PCCB: variants seen among roughly 807,000 people sequenced by gnomAD.
PCCB encodes the protein propionyl-CoA carboxylase subunit beta, also known as propionyl-CoA carboxylase beta chain, mitochondrial.
In PCCB, 43 loss-of-function variants were observed where a neutral mutation model predicts 60.7. The ratio of observed to expected loss-of-function variants is 0.71; its 90% CI spans 0.55 to 0.91. The LOEUF (loss-of-function observed/expected upper bound fraction) is 0.91, where lower values mean the gene tolerates loss of function less well. PCCB is among the 40% of genes least tolerant of loss of function. The pLI, the probability that PCCB is intolerant of heterozygous loss-of-function variation, is 0.00. For missense variants in PCCB, 766 were observed against 702.8 expected (o/e 1.09, Z -1.02); for synonymous variants, 276 against 255.9 (o/e 1.08, Z -0.75).
chr3:136,317,195 G>A (rs1327570347), intron 10 of PCCB, 131 bp downstream of exon 10: 2 of 569,606 alleles, frequency 3.5e-6, no homozygotes, highest in Non-Finnish European at 5.8e-6. Flanking sequence ...AAATCTAAAT[G>A]GTTGTTATAA....
At chr3:136,255,745 C>T (rs1027967391) in intron 1 of PCCB, 111 bp from the exon 2 acceptor site, 2 of 898,024 alleles carry the variant, frequency 2.2e-6, no homozygotes, top group African/African-American at 3.3e-5. Flanking sequence ...AAAGTACTTG[C>T]ATTGAGATCA....
At position 136,268,090 on chromosome 3, in the gene PCCB, A is replaced by ATATATATATG. The variant is rs1306316170; in HGVS notation, c.543+6034_543+6035insGTATATATAT. Among the ~76,000 whole-genome samples, 34 of 59,890 alleles carry ATATATATATG rather than the reference A, an allele frequency of 5.7e-4. No homozygotes were observed. The Middle Eastern group carries it at 0.023, about 41-fold the overall frequency. The allele number at this position is 59,890 out of a possible 152,430, so 39.3% of individuals were successfully genotyped here. The stretch of plus-strand genomic sequence containing the variant: ...CGTGTGTGTGTGTGTGTGTGTAGAT[A>ATATATATATG]TATATATATATATATATATATATAT... On this transcript the variant is annotated intron_variant, in intron 5 of 14. Transcript: ENST00000251654.
chr3:136,327,773 C>G (rs1182237062), intron 13 of PCCB, 41 bp downstream of exon 13: 1 of 1,467,954 alleles, frequency 6.8e-7, no homozygotes, highest in South Asian at 1.1e-5. Context: ...TCCAAGGACT[C>G]GACTCTACCA....
At chr3:136,300,712 C>T (rs927285181) in intron 8 of PCCB, among the ~76,000 whole-genome samples, 2 of 151,822 alleles carry the variant, frequency 1.3e-5, no homozygotes, top group Admixed American at 1.3e-4. Flanking sequence ...ACTATAATGT[C>T]CTTCAGTGCC....
chr3:136,251,286 T>C (rs1460603812), intron 1 of PCCB: 1 of 456,584 alleles, frequency 2.2e-6, no homozygotes, highest in Non-Finnish European at 4.4e-6. Flanking sequence ...CGGCCCATTT[T>C]GGAGAGGTGA....
At chr3:136,282,365 T>C (rs1337360407) in intron 5 of PCCB, among the ~76,000 whole-genome samples, 5 of 152,236 alleles carry the variant, frequency 3.3e-5, no homozygotes, top group Admixed American at 6.5e-5. Context: ...TTCTTGGAGC[T>C]TCCTGTTCTC....
At chr3:136,297,877 G>A (rs1030265225) in intron 7 of PCCB, 75 bp from the exon 8 acceptor site, 32 of 1,554,932 alleles carry the variant, frequency 2.1e-5, no homozygotes, top group East Asian at 4.5e-5. Flanking sequence ...CTAGAAGGGC[G>A]CAGTCAGGCA....
intron 5 of PCCB, among the ~76,000 whole-genome samples, chr3:136,276,753 C>G (rs1942341234): frequency 6.6e-6 from 1 of 152,178 alleles, no homozygotes; most frequent in African/African-American, 2.4e-5. Flanking sequence ...CCTTCATGAG[C>G]AGCAAAGCTG....
chr3:136,297,380 A>G (rs898257286), intron 7 of PCCB, among the ~76,000 whole-genome samples: 1 of 152,162 alleles, frequency 6.6e-6, no homozygotes, highest in African/African-American at 2.4e-5. Context: ...CGCTTTCTCC[A>G]TCATACCTAT....
At chr3:136,252,955 A>G (rs1397900320) in intron 1 of PCCB, among the ~76,000 whole-genome samples, 1 of 148,566 alleles carries the variant, frequency 6.7e-6, no homozygotes, top group Non-Finnish European at 1.5e-5. Flanking sequence ...CTACTTTCCT[A>G]AGGGGAAAAT....
chr3:136,264,099 T>A (rs565164623), intron 5 of PCCB, among the ~76,000 whole-genome samples: 1 of 152,268 alleles, frequency 6.6e-6, no homozygotes, highest in South Asian at 2.1e-4. Flanking sequence ...ATTCACCAGT[T>A]GTTTACATTT....
At chr3:136,267,356 T>C (rs964700987) in intron 5 of PCCB, among the ~76,000 whole-genome samples, 1 of 152,032 alleles carries the variant, frequency 6.6e-6, no homozygotes, top group African/African-American at 2.4e-5. Context: ...CAGCTAATTT[T>C]TGAAAAATTT....
intron 7 of PCCB, among the ~76,000 whole-genome samples, chr3:136,297,258 A>C (rs543611094): frequency 6.6e-6 from 1 of 152,262 alleles, no homozygotes; most frequent in African/African-American, 2.4e-5. Context: ...GAGACATGAC[A>C]CGATCTGACT....
At chr3:136,262,272 G>C (rs1941849075) in intron 5 of PCCB, among the ~76,000 whole-genome samples, 1 of 152,158 alleles carries the variant, frequency 6.6e-6, no homozygotes. Flanking sequence ...TTTTCTAACA[G>C]AGGGCCACTC....
At chr3:136,317,180 G>A (rs1172872137) in intron 10 of PCCB, 116 bp downstream of exon 10, 8 of 723,710 alleles carry the variant, frequency 1.1e-5, no homozygotes, top group Admixed American at 8.3e-5. Context: ...CATGACCAGA[G>A]GAAAAAATCT....
intron 6 of PCCB, among the ~76,000 whole-genome samples, chr3:136,292,140 C>T (rs1262695206): frequency 6.6e-6 from 1 of 152,080 alleles, no homozygotes; most frequent in South Asian, 2.1e-4. Context: ...GTTGGTTTTT[C>T]CCCTGCAACT....
rs1320752306 is a variant in PCCB, at chr3:136,261,938, C to G, written c.430-14C>G. The stretch of plus-strand genomic sequence containing the variant: ...GAACATTTGTCTCAATAAAAGATTT[C>G]TCTGCTGTCTCAGATCATGGACCAG... On this transcript the variant is annotated splice_polypyrimidine_tract_variant and intron_variant, in intron 4 of 14. Coordinates refer to ENST00000251654, the MANE Select transcript of PCCB (RefSeq NM_000532.5). 2.0e-6 allele frequency: 3 copies of G among 1,483,304 alleles called. No homozygotes were observed. 91.9% of individuals were successfully genotyped at this position (1,483,304 alleles called of 1,614,324 possible).
intron 9 of PCCB, among the ~76,000 whole-genome samples, chr3:136,310,114 C>A (rs677825): frequency 1 from 152,264 of 152,318 alleles, 76,105 homozygotes; most frequent in Non-Finnish European, 1. Context: ...CCTGTAATCC[C>A]GCACTTTGGG....
At chr3:136,259,605 C>A (rs1941767138) in intron 3 of PCCB, among the ~76,000 whole-genome samples, 1 of 151,904 alleles carries the variant, frequency 6.6e-6, no homozygotes, top group South Asian at 2.1e-4. Flanking sequence ...CTTTTTTTTC[C>A]TTTCAAATCA....
Sources: gnomAD v4.1 joint callset for allele counts (sites outside exome capture counted in the v4.1 genomes callset) on GRCh38, gnomAD v4.1.1 for gene constraint, MANE v1.5 for transcripts, NCBI Gene and HGNC (gene_info 2026-07-23, HGNC 2026-07-21) for gene names.